The following TSC22D1 variants were observed in gnomAD, a reference collection of about 807,000 sequenced individuals.
The protein encoded by TSC22D1 is TSC22 domain family member 1.
A neutral mutation model predicts 74.2 loss-of-function variants in TSC22D1; 9 were observed. The ratio of observed to expected loss-of-function variants is 0.12; its 90% confidence interval spans 0.07 to 0.21. The LOEUF is 0.21. TSC22D1 is among the 10% of genes least tolerant of loss of function. TSC22D1 has a pLI of 1.00. For synonymous variants in TSC22D1, 586 were observed against 492.5 expected (o/e 1.19, Z -2.51); for missense variants, 1,427 against 1,304.7 (o/e 1.09, Z -1.44).
At chr13:44,572,537 T>C (rs1883840550) in intron 1 of TSC22D1, among the ~76,000 whole-genome samples, 1 of 152,258 alleles carries the variant, frequency 6.6e-6, no homozygotes, top group Non-Finnish European at 1.5e-5. Context: ...GTTATTTTGA[T>C]AGTTTATGTC....
At chr13:44,547,991 C>T (rs1325024264) in intron 1 of TSC22D1, among the ~76,000 whole-genome samples, 3 of 152,070 alleles carry the variant, frequency 2.0e-5, no homozygotes, top group African/African-American at 7.2e-5. Context: ...ATATATATTG[C>T]CTCATTCAAT....
At chr13:44,507,296 T>A (rs1879489044) in intron 1 of TSC22D1, among the ~76,000 whole-genome samples, 1 of 152,136 alleles carries the variant, frequency 6.6e-6, no homozygotes, top group Admixed American at 6.5e-5. Context: ...AAGAATAACG[T>A]TGCTACAGTA....
At chr13:44,488,069 A>G (rs1457814994) in intron 1 of TSC22D1, among the ~76,000 whole-genome samples, 2 of 152,228 alleles carry the variant, frequency 1.3e-5, no homozygotes, top group Non-Finnish European at 2.9e-5. Flanking sequence ...AAAGAAAAAA[A>G]AAGAAACTTC....
intron 1 of TSC22D1, among the ~76,000 whole-genome samples, chr13:44,533,811 T>C (rs1026447055): frequency 5.9e-5 from 9 of 152,026 alleles, no homozygotes; most frequent in African/African-American, 1.9e-4. Context: ...CAAACAAAAA[T>C]AGTATCCTGA....
intron 1 of TSC22D1, among the ~76,000 whole-genome samples, chr13:44,528,087 C>T (rs1283957726): frequency 1.3e-5 from 2 of 152,008 alleles, no homozygotes; most frequent in Admixed American, 1.3e-4. Context: ...GTCAAATCCA[C>T]TATCATAGTT....
rs369288617 is a variant in TSC22D1 at position 44,458,072 on chromosome 13, G to A, written c.2913-21977C>T. Among the ~76,000 whole-genome samples the A allele has an allele frequency of 3.3e-5, 5 of 152,296 alleles. No homozygotes were observed. The East Asian group carries it at 7.7e-4, about 23-fold the overall frequency. On this transcript the variant is annotated intron_variant, in intron 1 of 2. Coordinates refer to ENST00000458659, the MANE Select transcript of TSC22D1 (RefSeq NM_183422.4). Reference sequence around the variant, plus strand: ...TCTACTTTCACTTTTGAAACAGATAGGTGAAATCTTTGAAGCCTTTCCAGT... The same window carrying A: ...TCTACTTTCACTTTTGAAACAGATAAGTGAAATCTTTGAAGCCTTTCCAGT...
At chr13:44,471,148 A>G (rs1004065899) in intron 1 of TSC22D1, among the ~76,000 whole-genome samples, 2 of 152,208 alleles carry the variant, frequency 1.3e-5, no homozygotes, top group African/African-American at 4.8e-5. Flanking sequence ...ACAAAATACA[A>G]TCCTGCCACC....
rs1467836984 is a variant in TSC22D1, at chr13:44,573,981, G to C, written c.2094C>G (p.Pro698=). 7.4e-6 allele frequency: 12 copies of C among 1,613,896 alleles called. No individual in the cohort carries two copies. Among genetic ancestry groups the C allele is most frequent in the Admixed American group, 6.7e-5 (4 of 60,008 alleles). ...QPQGIQLPVQ[P]TAVPAQPAGA... ...CTGCAGGTTGTGCTGGGACTGCTGTGGGCTGCACTGGCAGCTGGATACCCT... is the reference window on the plus strand; with the variant it reads ...CTGCAGGTTGTGCTGGGACTGCTGTCGGCTGCACTGGCAGCTGGATACCCT... The change falls in exon 1 of 3, where the codon CCC becomes CCG. Residue 698 remains proline, a synonymous_variant. Coordinates refer to ENST00000458659, the MANE Select transcript of TSC22D1 (RefSeq NM_183422.4).
rs2138839727 is a variant in TSC22D1 at position 44,434,496 on chromosome 13, A to G, written c.*130T>C. 1.4e-6 allele frequency: 2 copies of G among 1,418,690 alleles called. No homozygotes were observed. Among genetic ancestry groups the G allele is most frequent in the Non-Finnish European group, 9.2e-7 (1 of 1,091,600 alleles). 87.9% of individuals were successfully genotyped at this position (1,418,690 alleles called of 1,614,324 possible). ...TTAATACTGGAAAAGAGATAATGGC[A>G]TATGTCAGTCTCACGTCTCTTTCGC... On this transcript the variant is annotated 3_prime_UTR_variant, in exon 3 of 3. Coordinates refer to ENST00000458659, the MANE Select transcript of TSC22D1 (RefSeq NM_183422.4).
chr13:44,450,630 G>A (rs1459853673), intron 1 of TSC22D1, among the ~76,000 whole-genome samples: 5 of 152,202 alleles, frequency 3.3e-5, no homozygotes, highest in African/African-American at 1.2e-4. Context: ...GAGGCAGGAT[G>A]ACTCACAGGT....
intron 1 of TSC22D1, among the ~76,000 whole-genome samples, chr13:44,572,256 C>A (rs1883819285): frequency 6.6e-6 from 1 of 152,128 alleles, no homozygotes; most frequent in African/African-American, 2.4e-5. Flanking sequence ...GCTTCAAAGA[C>A]ACAATTTGAT....
intron 1 of TSC22D1, among the ~76,000 whole-genome samples, chr13:44,482,284 A>C (rs1878211262): frequency 6.6e-6 from 1 of 152,158 alleles, no homozygotes; most frequent in Admixed American, 6.5e-5. Context: ...CCTGTAATCC[A>C]GGCACTTCGG....
At chr13:44,456,131 C>A (rs1056754810) in intron 1 of TSC22D1, among the ~76,000 whole-genome samples, 1 of 152,144 alleles carries the variant, frequency 6.6e-6, no homozygotes, top group Non-Finnish European at 1.5e-5. Context: ...AGCCGTGGAC[C>A]CTCGCAGTGA....
In TSC22D1 at chr13:44,569,921, T is replaced by C. The variant is rs933482149; in HGVS notation, c.2912+3242A>G. On this transcript the variant is annotated intron_variant, in intron 1 of 2. Coordinates refer to ENST00000458659, the MANE Select transcript of TSC22D1 (RefSeq NM_183422.4). ...GGAACATCTAGTCTTGTGGGAAAGA[T>C]TGGTAAACATAATTATAATTGAATG... is the stretch of plus-strand genomic sequence containing the variant. Among the ~76,000 whole-genome samples the C allele has an allele frequency of 3.3e-5, 5 of 152,250 alleles. No homozygotes were observed. In the South Asian group the frequency reaches 6.2e-4, roughly 19 times the overall value.
chr13:44,474,696 A>G (rs9595132), intron 1 of TSC22D1, among the ~76,000 whole-genome samples: 57,355 of 151,650 alleles, frequency 0.38, 10,972 homozygotes, highest in Non-Finnish European at 0.41. Context: ...AGGGTTAAAA[A>G]TAAGAATGGA....
At chr13:44,457,572 A>G (rs1229509256) in intron 1 of TSC22D1, among the ~76,000 whole-genome samples, 1 of 150,604 alleles carries the variant, frequency 6.6e-6, no homozygotes, top group Non-Finnish European at 1.5e-5. Context: ...CTGCAAAAAG[A>G]GCAACCCCTA....
rs144252895 is a variant in TSC22D1, at chr13:44,573,169, T to A, written c.2906A>T (p.Asp969Val). Residue 969 changes from aspartate to valine, a missense_variant, in exon 1 of 3, where the codon GAT becomes GTT. By Grantham distance (152) the Asp-to-Val change is radical. This residue lies in a region of TSC22D1 where 1,343 missense variants were observed against 1,191.5 expected (regional missense o/e 1.13). Coordinates refer to ENST00000458659, the MANE Select transcript of TSC22D1 (RefSeq NM_183422.4). The stretch of plus-strand genomic sequence containing the variant: ...AAATATGACATGATCTTACCTCTCA[T>A]CCTCGCCATCCACCAGGGGTGTCGT... ...PLTTPLVDGE[D>V]ESSSGASVVA... 1.9e-3 allele frequency: 3,079 copies of A among 1,613,784 alleles called. 7 individuals are homozygous for A. The highest frequency in any genetic ancestry group is 2.4e-3 in the Non-Finnish European group (2,887 of 1,179,820).
chr13:44,481,370 G>A (rs1381377411), intron 1 of TSC22D1, among the ~76,000 whole-genome samples: 1 of 152,164 alleles, frequency 6.6e-6, no homozygotes, highest in Non-Finnish European at 1.5e-5. Flanking sequence ...CTGGTGAGGG[G>A]TGGGTGGTTC....
intron 1 of TSC22D1, among the ~76,000 whole-genome samples, chr13:44,494,945 A>G (rs941078889): frequency 6.6e-6 from 1 of 152,232 alleles, no homozygotes; most frequent in African/African-American, 2.4e-5. Flanking sequence ...GAGAAATTCT[A>G]GAATTGATAA....
Sources: gnomAD v4.1 joint callset for allele counts (sites outside exome capture counted in the v4.1 genomes callset) on GRCh38, gnomAD v4.1.1 for gene constraint, gnomAD v4.1.1 regional missense constraint, MANE v1.5 for transcripts, NCBI Gene and HGNC (gene_info 2026-07-23, HGNC 2026-07-21) for gene names.